Variants in PLCB1 observed in about 807,000 individuals in gnomAD.
PLCB1 encodes phospholipase C beta 1.
In PLCB1, 46 loss-of-function variants were observed where a neutral mutation model predicts 161.8. The observed-to-expected ratio is 0.28, with a 90% CI of 0.22 to 0.36. The LOEUF is 0.36. PLCB1 is among the 10% of genes least tolerant of loss of function. PLCB1 has a pLI of 1.00. For missense variants in PLCB1, 1,016 were observed against 1,472.5 expected, an observed-to-expected ratio of 0.69 and a Z score of 5.07; for synonymous variants, 517 against 503.7, an observed-to-expected ratio of 1.03 and a Z score of -0.35.
intron 3 of PLCB1, among the ~76,000 whole-genome samples, chr20:8,400,445 T>C (rs1232898449): frequency 6.6e-6 from 1 of 152,186 alleles, no homozygotes; most frequent in Non-Finnish European, 1.5e-5. Flanking sequence ...TGTAATGTTT[T>C]TAAATTGTTT....
At chr20:8,251,194 AG>A (rs35530123) in intron 2 of PLCB1, among the ~76,000 whole-genome samples, 1 of 152,064 alleles carries the variant, frequency 6.6e-6, no homozygotes, top group African/African-American at 2.4e-5. Flanking sequence ...CTCATTTGTG[AG>A]GGGATGTCCT....
rs537133530 is a variant in PLCB1 at position 8,722,531 on chromosome 20, T to C, written c.1581+110T>C. ...TAGTGGCAAAAAGTAGATTTGTGCCTTCCAATTGCCAGCTTCAATTTTTGA... is the reference window on the plus strand; with the variant it reads ...TAGTGGCAAAAAGTAGATTTGTGCCCTCCAATTGCCAGCTTCAATTTTTGA... On this transcript the variant is annotated intron_variant, in intron 15 of 31. Coordinates refer to ENST00000338037, the MANE Select transcript of PLCB1 (RefSeq NM_015192.4). The C allele has an allele frequency of 9.6e-4, 606 of 628,364 alleles. 7 individuals carry two copies. The highest frequency in any genetic ancestry group is 2.5e-4 in the Non-Finnish European group (95 of 384,040). 38.9% of individuals were successfully genotyped at this position (628,364 alleles called of 1,614,324 possible). A position where few individuals can be genotyped will look rare whatever the true frequency, so the allele number is the denominator to read the frequency against.
At chr20:8,783,286 A>G (rs1206968055) in intron 27 of PLCB1, among the ~76,000 whole-genome samples, 1 of 152,232 alleles carries the variant, frequency 6.6e-6, no homozygotes, top group East Asian at 1.9e-4. Context: ...CTTCTTCTCT[A>G]CCTTTAATAG....
chr20:8,369,127 C>T lies in PLCB1; in HGVS notation c.178-2255C>T, dbSNP rs116703568. Among the ~76,000 whole-genome samples, 1,095 of 152,244 alleles carry T rather than the reference C, an allele frequency of 7.2e-3. 21 individuals carry two copies. The highest frequency in any genetic ancestry group is 0.025 in the African/African-American group (1,022 of 41,532). ...AATGCTCCAGTGAATTAATTACTGGCATTTTCACTTGGATAAACCCCTCAA... is the reference window on the plus strand; with the variant it reads ...AATGCTCCAGTGAATTAATTACTGGTATTTTCACTTGGATAAACCCCTCAA... On this transcript the variant is annotated intron_variant, in intron 2 of 31. Transcript: ENST00000338037.
At position 8,150,382 on chromosome 20, in the gene PLCB1, A is replaced by T; in HGVS notation, c.177+11A>T. The T allele has an allele frequency of 7.4e-7, 1 of 1,353,296 alleles. No individual in the cohort carries two copies. Among genetic ancestry groups the T allele is most frequent in the Non-Finnish European group, 1.0e-6 (1 of 964,338 alleles). The allele number at this position is 1,353,296 out of a possible 1,614,324, so 83.8% of individuals were successfully genotyped here. A position where few individuals can be genotyped will look rare whatever the true frequency, so the allele number is the denominator to read the frequency against. ...ACAGATCAAAACAAGGTAAGAAATG[A>T]GGTATGCCTTTCTTACATTTTTCAG... On this transcript the variant is annotated intron_variant, in intron 2 of 31. Coordinates refer to ENST00000338037, the MANE Select transcript of PLCB1 (RefSeq NM_015192.4).
chr20:8,576,558 CT>C (rs1986678524), intron 3 of PLCB1, among the ~76,000 whole-genome samples: 1 of 152,250 alleles, frequency 6.6e-6, no homozygotes, highest in Middle Eastern at 3.4e-3. Flanking sequence ...TACACATAGT[CT>C]CTCTTTATAT....
chr20:8,871,634 A>G (rs1485228337), intron 31 of PLCB1, among the ~76,000 whole-genome samples: 2 of 152,216 alleles, frequency 1.3e-5, no homozygotes, highest in Admixed American at 1.3e-4. Context: ...TGCATGGGTC[A>G]GAGTGTTCAA....
intron 3 of PLCB1, among the ~76,000 whole-genome samples, chr20:8,399,119 T>C (rs1437752628): frequency 2.0e-5 from 3 of 151,744 alleles, no homozygotes; most frequent in Non-Finnish European, 4.4e-5. Flanking sequence ...TGATTTTCCA[T>C]TTAGATCTTG....
intron 23 of PLCB1, among the ~76,000 whole-genome samples, chr20:8,753,839 C>T (rs1013602112): frequency 1.3e-5 from 2 of 152,236 alleles, no homozygotes; most frequent in African/African-American, 4.8e-5. Flanking sequence ...GCCCCATTTA[C>T]AGGCTGTCTC....
At chr20:8,871,791 AT>A (rs1229314817) in intron 31 of PLCB1, among the ~76,000 whole-genome samples, 2 of 152,054 alleles carry the variant, frequency 1.3e-5, no homozygotes, top group Non-Finnish European at 1.5e-5. Flanking sequence ...AGGACTTTAG[AT>A]TTTTTTTGCT....
intron 2 of PLCB1, chr20:8,249,652 G>C (rs1981043786): frequency 6.6e-6 from 1 of 151,848 alleles, no homozygotes. Context: ...CCTTTGCTCT[G>C]TGCTTCCTGG....
intron 9 of PLCB1, among the ~76,000 whole-genome samples, chr20:8,660,950 A>C (rs1194586730): frequency 6.6e-6 from 1 of 152,136 alleles, no homozygotes; most frequent in Non-Finnish European, 1.5e-5. Context: ...TCTATGCCTT[A>C]ATTATTTCAT....
rs59327031 is a variant in PLCB1 at position 8,232,233 on chromosome 20, G to C, written c.177+81862G>C. On this transcript the variant is annotated intron_variant, in intron 2 of 31. Transcript: ENST00000338037. ...AGCGCATCTCTTTAAAAAAGAGAGAGAGAGAGAGAGAGAGAGAAAAGATCA... is the reference window on the plus strand; with the variant it reads ...AGCGCATCTCTTTAAAAAAGAGAGACAGAGAGAGAGAGAGAGAAAAGATCA... 2.4e-3 allele frequency among the ~76,000 whole-genome samples: 324 copies of C among 136,226 alleles called. 2 individuals are homozygous for C. The highest frequency in any genetic ancestry group is 0.021 in the Admixed American group (300 of 14,514). 89.4% of individuals were successfully genotyped at this position (136,226 alleles called of 152,430 possible).
At chr20:8,175,691 T>C (rs1425799766) in intron 2 of PLCB1, among the ~76,000 whole-genome samples, 1 of 152,038 alleles carries the variant, frequency 6.6e-6, no homozygotes, top group East Asian at 1.9e-4. Flanking sequence ...TTTCTCTGTG[T>C]AAAATCCTAA....
chr20:8,560,255 G>C lies in PLCB1; in HGVS notation c.247-68039G>C, dbSNP rs556458267. ...TTTGAGAACTACCCGTCTAAGTCATGGATTCTCCATTTTGGCTGTACATTG... is the reference window on the plus strand; with the variant it reads ...TTTGAGAACTACCCGTCTAAGTCATCGATTCTCCATTTTGGCTGTACATTG... On this transcript the variant is annotated intron_variant, in intron 3 of 31. Transcript: ENST00000338037. Among the ~76,000 whole-genome samples, 164 of 152,034 alleles carry C rather than the reference G, an allele frequency of 1.1e-3. 1 individual carries two copies. The highest frequency in any genetic ancestry group is 1.7e-3 in the Non-Finnish European group (114 of 67,912).
At chr20:8,456,089 G>A (rs950677075) in intron 3 of PLCB1, among the ~76,000 whole-genome samples, 2 of 152,102 alleles carry the variant, frequency 1.3e-5, no homozygotes, top group Non-Finnish European at 2.9e-5. Flanking sequence ...ATTAGCCAAG[G>A]GGAACATATT....
chr20:8,854,260 G>C (rs989645464), intron 31 of PLCB1, among the ~76,000 whole-genome samples: 6 of 152,038 alleles, frequency 3.9e-5, no homozygotes, highest in African/African-American at 1.5e-4. Flanking sequence ...ACAGATCTCA[G>C]AGGGCATTTT....
At chr20:8,824,000 C>A (rs1174657636) in intron 31 of PLCB1, among the ~76,000 whole-genome samples, 2 of 152,122 alleles carry the variant, frequency 1.3e-5, no homozygotes, top group Non-Finnish European at 2.9e-5. Flanking sequence ...ACCCACTATA[C>A]TTCTCTCTAT....
chr20:8,519,370 G>A (rs1984260654), intron 3 of PLCB1, among the ~76,000 whole-genome samples: 1 of 152,038 alleles, frequency 6.6e-6, no homozygotes, highest in Admixed American at 6.6e-5. Flanking sequence ...TCCGATGAAG[G>A]GACTTTAATC....
Sources: gnomAD v4.1 joint callset for allele counts (sites outside exome capture counted in the v4.1 genomes callset) on GRCh38, gnomAD v4.1.1 for gene constraint, MANE v1.5 for transcripts, NCBI Gene and HGNC (gene_info 2026-07-23, HGNC 2026-07-21) for gene names.